The following SNX14 variants were observed in gnomAD, a reference collection of about 807,000 sequenced individuals.
SNX14 encodes the protein sorting nexin 14.
A neutral mutation model predicts 133.8 loss-of-function variants in SNX14; 93 were observed. The observed-to-expected ratio is 0.70, with a 90% CI of 0.59 to 0.83. The LOEUF is 0.83. Ranked by LOEUF, SNX14 falls within the 40% of genes least tolerant of loss-of-function variation. The pLI is 0.00. For missense variants in SNX14, 945 were observed against 1,094.9 expected (o/e 0.86, Z 1.93); for synonymous variants, 368 against 365.6 (o/e 1.01, Z -0.07).
chr6:85,518,158 G>A, intron 21 of SNX14, 110 bp from the exon 22 acceptor site: 1 of 847,942 alleles, frequency 1.2e-6, no homozygotes, highest in Non-Finnish European at 1.9e-6. Flanking sequence ...AGTTAAAACT[G>A]TAAAAGTATT....
chr6:85,569,875 C>T (rs1795026116), intron 4 of SNX14, among the ~76,000 whole-genome samples: 2 of 152,042 alleles, frequency 1.3e-5, no homozygotes, highest in Admixed American at 1.3e-4. Flanking sequence ...ATATTGTTTC[C>T]TCATTGCCCA....
In SNX14 at chr6:85,542,000, T is replaced by C. The variant is rs773950277; in HGVS notation, c.1433A>G (p.Asn478Ser). 7.5e-6 allele frequency: 12 copies of C among 1,594,430 alleles called. No homozygotes were observed. The Admixed American group carries it at 8.8e-5, about 12-fold the overall frequency. Reference protein sequence around the residue: ...LLRGAESPTRNSKLNRGSLSL... With the variant: ...LLRGAESPTRSSKLNRGSLSL... ...TACAACCTACCTGTTCAATTTTGAA[T>C]TGCGTGTTGGTGATTCTGCACCTCT... The change falls in exon 15 of 29, where the codon AAT (asparagine) becomes AGT (serine). Residue 478 changes from asparagine to serine, a missense_variant. Physicochemically the swap from Asn to Ser is conservative, Grantham distance 46 (BLOSUM62 1). Around this residue, in one of 3 missense-constraint regions of SNX14, gnomAD observed 412 missense variants for 516.6 expected, o/e 0.80. Coordinates refer to ENST00000314673, the MANE Select transcript of SNX14 (RefSeq NM_153816.6).
In SNX14 at chr6:85,543,596, T is replaced by C. The variant is rs1784509907; in HGVS notation, c.1264+9A>G. 3 of 1,561,860 alleles carry C rather than the reference T, an allele frequency of 1.9e-6. No homozygotes were observed. Among genetic ancestry groups the C allele is most frequent in the Non-Finnish European group, 2.6e-6 (3 of 1,150,230 alleles). On this transcript the variant is annotated intron_variant, in intron 13 of 28. Coordinates refer to ENST00000314673, the MANE Select transcript of SNX14 (RefSeq NM_153816.6). ...GCTAAATAAGTCATTCTTATCGTCT[T>C]TGACTTACTTCTTTGAATCTCTTCT... is the stretch of plus-strand genomic sequence containing the variant.
chr6:85,577,055 A>C (rs558535627), intron 1 of SNX14, among the ~76,000 whole-genome samples: 44 of 152,162 alleles, frequency 2.9e-4, no homozygotes, highest in Non-Finnish European at 6.3e-4. Context: ...TAGAGATCTT[A>C]AAAAGTGAAT....
chr6:85,586,736 T>G (rs894696086), intron 1 of SNX14, among the ~76,000 whole-genome samples: 1 of 151,674 alleles, frequency 6.6e-6, no homozygotes, highest in Non-Finnish European at 1.5e-5. Context: ...TCGCTACTTT[T>G]TTTTCTTTTT....
chr6:85,591,596 A>G (rs1322897979), intron 1 of SNX14, among the ~76,000 whole-genome samples: 2 of 152,198 alleles, frequency 1.3e-5, no homozygotes, highest in Non-Finnish European at 2.9e-5. Flanking sequence ...AAATGTTATG[A>G]CCATAAGTAG....
At position 85,574,292 on chromosome 6, in the gene SNX14, G is replaced by A. The variant is rs1176907275; in HGVS notation, c.227C>T (p.Pro76Leu). 1.3e-6 allele frequency: 2 copies of A among 1,593,436 alleles called. No homozygotes were observed. The highest frequency in any genetic ancestry group is 2.2e-5 in the East Asian group (1 of 44,514). ...GTATTTTATTGTGAAGAATATATTT[G>A]GTAAGAGAGAATCAGGTCCTAGTGA... Reference protein sequence around the residue: ...YCSLGPDSLLPNIFFTIKYKP... With the variant: ...YCSLGPDSLLLNIFFTIKYKP... The change falls in exon 2 of 29, where the codon CCA becomes CTA. Residue 76 changes from proline to leucine, a missense_variant. Transcript: ENST00000314673.
intron 7 of SNX14, among the ~76,000 whole-genome samples, chr6:85,551,563 T>C (rs186349819): frequency 2.0e-4 from 31 of 152,338 alleles, no homozygotes; most frequent in Admixed American, 1.9e-3. Context: ...CAGGCCTGAT[T>C]GAGAACCTGG....
rs778695445 is a variant in SNX14, at chr6:85,593,602, G to A, written c.117C>T (p.Ser39=). The part of the protein sequence containing the change: ...PLFCFLLLCL[S]AASLLLNRYI... ...ACCTGTTAAGAAGCAGGGAGGCGGC[G>A]CTGAGACAGAGCAGCAGGAAGCAGA... Residue 39 remains serine (S), a synonymous_variant, in exon 1 of 29, where the codon AGC becomes AGT. Transcript: ENST00000314673. 1 of 1,612,748 alleles carries A rather than the reference G, an allele frequency of 6.2e-7. No individual in the cohort carries two copies. The highest frequency in any genetic ancestry group is 8.5e-7 in the Non-Finnish European group (1 of 1,179,642).
chr6:85,563,909 T>C (rs1472612019), intron 6 of SNX14, among the ~76,000 whole-genome samples: 2 of 152,164 alleles, frequency 1.3e-5, no homozygotes, highest in African/African-American at 4.8e-5. Flanking sequence ...CTCCTAATAC[T>C]ATCCCTCCCC....
chr6:85,542,091 C>A, intron 14 of SNX14, 48 bp from the exon 15 acceptor site: 1 of 1,261,176 alleles, frequency 7.9e-7, no homozygotes, highest in South Asian at 1.5e-5. Flanking sequence ...TTACAATTAA[C>A]ATTAAAACAT....
intron 6 of SNX14, among the ~76,000 whole-genome samples, chr6:85,559,945 T>C (rs946203382): frequency 8.5e-5 from 13 of 152,202 alleles, no homozygotes; most frequent in Admixed American, 6.5e-5. Flanking sequence ...TGGAATATCA[T>C]GTCACATATA....
intron 28 of SNX14, among the ~76,000 whole-genome samples, chr6:85,506,382 T>A (rs1043965202): frequency 6.6e-6 from 1 of 152,056 alleles, no homozygotes; most frequent in African/African-American, 2.4e-5. Context: ...AATGGCATGA[T>A]CTCGGCTCAC....
chr6:85,565,372 A>G lies in SNX14; in HGVS notation c.509T>C (p.Leu170Ser). 6.2e-7 allele frequency: 1 copy of G among 1,604,330 alleles called. No individual in the cohort carries two copies. Among genetic ancestry groups the G allele is most frequent in the Non-Finnish European group, 8.5e-7 (1 of 1,175,032 alleles). ...TATTAAGACAGATGCAAAAAAACGT[A>G]ATGTTATTCTCAGTTCATCAACAAA... is the stretch of plus-strand genomic sequence containing the variant. ...ESFVDELRIT[L>S]RFFASVLIRR... Residue 170 changes from leucine (L) to serine (S), a missense_variant, in exon 6 of 29, where the codon TTA becomes TCA. Physicochemically the swap from Leu to Ser is moderately radical, Grantham distance 145. This residue lies in a region of SNX14 where 514 missense variants were observed against 538.8 expected (regional missense o/e 0.95). Transcript: ENST00000314673.
rs1772591091 is a variant in SNX14 at position 85,510,967 on chromosome 6, A to C, written c.2653+2833T>G. 3.3e-5 allele frequency among the ~76,000 whole-genome samples: 5 copies of C among 152,324 alleles called. No individual in the cohort carries two copies. The South Asian group carries it at 1.0e-3, about 32-fold the overall frequency. On this transcript the variant is annotated intron_variant, in intron 26 of 28. Coordinates refer to ENST00000314673, the MANE Select transcript of SNX14 (RefSeq NM_153816.6). ...TTTGTCAATACCCACAAAACAACTT[A>C]CTGGGATTTGGATTGGGACTGCATT...
chr6:85,552,974 C>T (rs1487249587), intron 7 of SNX14, among the ~76,000 whole-genome samples: 1 of 152,254 alleles, frequency 6.6e-6, no homozygotes, highest in Non-Finnish European at 1.5e-5. Flanking sequence ...CTTTCTGAGT[C>T]AACCCATGTA....
intron 26 of SNX14, among the ~76,000 whole-genome samples, chr6:85,510,393 T>C (rs1181426622): frequency 1.3e-5 from 2 of 152,194 alleles, no homozygotes; most frequent in African/African-American, 4.8e-5. Flanking sequence ...ATGTAGAACA[T>C]CTTTTCATAT....
intron 23 of SNX14, among the ~76,000 whole-genome samples, 161 bp from the exon 24 acceptor site, chr6:85,514,790 T>C (rs1426142024): frequency 6.6e-6 from 1 of 152,194 alleles, no homozygotes; most frequent in East Asian, 1.9e-4. Context: ...TCCCCATTTA[T>C]GCCCCGAATT....
At chr6:85,535,245 G>T (rs1402620240) in intron 17 of SNX14, among the ~76,000 whole-genome samples, 1 of 151,314 alleles carries the variant, frequency 6.6e-6, no homozygotes, top group Non-Finnish European at 1.5e-5. Context: ...GAACTCCTTG[G>T]CTCAAGCAAT....
Sources: allele counts gnomAD v4.1 joint callset (sites outside exome capture counted in the v4.1 genomes callset), GRCh38; gene constraint gnomAD v4.1.1; regional missense constraint gnomAD v4.1.1; transcripts MANE v1.5; gene names NCBI Gene and HGNC (gene_info 2026-07-23, HGNC 2026-07-21).